SGPP2: variants seen among roughly 807,000 people sequenced by gnomAD.
SGPP2 encodes the protein sphingosine 1-phosphate phosphohydrolase 2.
In SGPP2, 30 loss-of-function variants were observed where a neutral mutation model predicts 33.9. The ratio of observed to expected loss-of-function variants is 0.89; its 90% CI spans 0.66 to 1.20. The LOEUF is 1.20. SGPP2 is among the 50% of genes most tolerant of loss of function. The pLI is 0.00. For synonymous variants in SGPP2, 233 were observed against 225.0 expected, an observed-to-expected ratio of 1.04 and a Z score of -0.32; for missense variants, 458 against 532.1, an observed-to-expected ratio of 0.86 and a Z score of 1.37.
At chr2:222,455,105 T>C (rs1181668199) in intron 1 of SGPP2, among the ~76,000 whole-genome samples, 1 of 151,842 alleles carries the variant, frequency 6.6e-6, no homozygotes, top group African/African-American at 2.4e-5. Context: ...CATGGTGGCA[T>C]ACATCTGTAA....
At chr2:222,490,725 A>C (rs2196543) in intron 2 of SGPP2, among the ~76,000 whole-genome samples, 1 of 151,658 alleles carries the variant, frequency 6.6e-6, no homozygotes, top group Non-Finnish European at 1.5e-5. Flanking sequence ...GATTACAGGC[A>C]TGAGCCACTT....
At chr2:222,433,615 C>T (rs1697191671) in intron 1 of SGPP2, among the ~76,000 whole-genome samples, 1 of 152,156 alleles carries the variant, frequency 6.6e-6, no homozygotes, top group South Asian at 2.1e-4. Context: ...AATTTGATCA[C>T]CTGCCCTTTC....
chr2:222,486,994 C>T (rs1223114236), intron 2 of SGPP2, among the ~76,000 whole-genome samples: 1 of 151,944 alleles, frequency 6.6e-6, no homozygotes, highest in African/African-American at 2.4e-5. Flanking sequence ...CTTTTCCTTC[C>T]ATCGCTCTCT....
intron 2 of SGPP2, among the ~76,000 whole-genome samples, chr2:222,494,980 C>T (rs1025388620): frequency 1.3e-5 from 2 of 152,026 alleles, no homozygotes; most frequent in African/African-American, 2.4e-5. Flanking sequence ...AGCAGTGAGC[C>T]AAGATCGCGC....
At chr2:222,525,692 G>A (rs902341212) in intron 4 of SGPP2, among the ~76,000 whole-genome samples, 2 of 152,200 alleles carry the variant, frequency 1.3e-5, no homozygotes, top group Admixed American at 6.5e-5. Flanking sequence ...GGCCATGGTC[G>A]ACCACAGGGG....
upstream of SGPP2, chr2:222,424,499 C>T (rs2106049401): frequency 7.3e-6 from 6 of 823,852 alleles, no homozygotes; most frequent in Non-Finnish European, 7.8e-6. Flanking sequence ...GCCCGGCCTC[C>T]GCCCGGAGTG....
chr2:222,431,543 G>C (rs1697156351), intron 1 of SGPP2, among the ~76,000 whole-genome samples: 1 of 152,046 alleles, frequency 6.6e-6, no homozygotes, highest in African/African-American at 2.4e-5. Context: ...TACAAGGTGG[G>C]GGTAATTGAA....
chr2:222,510,662 C>G (rs1038636056), intron 2 of SGPP2, among the ~76,000 whole-genome samples: 1 of 152,110 alleles, frequency 6.6e-6, no homozygotes, highest in Non-Finnish European at 1.5e-5. Context: ...AAAAGAGCCT[C>G]TTGGTGCTCC....
chr2:222,534,233 G>T (rs530217893), intron 4 of SGPP2, among the ~76,000 whole-genome samples: 2 of 152,212 alleles, frequency 1.3e-5, no homozygotes, highest in African/African-American at 4.8e-5. Flanking sequence ...TACACAAAAC[G>T]GATTTTAAGC....
chr2:222,475,088 A>G (rs1697910762), intron 2 of SGPP2, among the ~76,000 whole-genome samples: 1 of 152,232 alleles, frequency 6.6e-6, no homozygotes, highest in East Asian at 1.9e-4. Flanking sequence ...GGGAGGGACA[A>G]TTATCATCCT....
chr2:222,539,867 C>G (rs989500487), intron 4 of SGPP2, among the ~76,000 whole-genome samples: 1 of 152,146 alleles, frequency 6.6e-6, no homozygotes, highest in East Asian at 1.9e-4. Flanking sequence ...GCTTTGGGAT[C>G]CCTTTTTCCG....
At chr2:222,517,817 C>T (rs529622295) in intron 2 of SGPP2, among the ~76,000 whole-genome samples, 2 of 152,352 alleles carry the variant, frequency 1.3e-5, no homozygotes, top group Admixed American at 6.5e-5. Flanking sequence ...AACAGACGAG[C>T]CACACCCCTG....
intron 4 of SGPP2, among the ~76,000 whole-genome samples, chr2:222,540,871 G>T (rs1385635782): frequency 6.8e-6 from 1 of 147,262 alleles, no homozygotes; most frequent in Non-Finnish European, 1.5e-5. Flanking sequence ...CCAGGCTGGA[G>T]TAGTGGCATG....
intron 1 of SGPP2, among the ~76,000 whole-genome samples, chr2:222,457,392 C>T (rs1234627163): frequency 1.3e-5 from 2 of 152,072 alleles, no homozygotes; most frequent in African/African-American, 4.8e-5. Flanking sequence ...TAAAATATGG[C>T]ATGTTCCATA....
intron 1 of SGPP2, chr2:222,453,023 C>G: frequency 3.2e-6 from 5 of 1,577,738 alleles, no homozygotes; most frequent in Non-Finnish European, 3.5e-6. Flanking sequence ...TCTTCTGTTT[C>G]TTGACTGGGA....
In SGPP2 at chr2:222,558,922, C is replaced by T. The variant is rs1459787385; in HGVS notation, c.*24C>T. 6 of 1,586,512 alleles carry T rather than the reference C, an allele frequency of 3.8e-6. No individual in the cohort carries two copies. The highest frequency in any genetic ancestry group is 1.3e-5 in the African/African-American group (1 of 74,270). ...GAGTCTCAAACAGTTGGAAACTAGC[C>T]CACTGGACATGAAAGCCAAGACATA... On this transcript the variant is annotated 3_prime_UTR_variant, in exon 5 of 5. Transcript: ENST00000321276.
Position 222,431,179 on chromosome 2 carries a change from A to C in SGPP2, c.219+6358A>C, listed in dbSNP as rs1056003044. 6.8e-5 allele frequency among the ~76,000 whole-genome samples: 6 copies of C among 88,528 alleles called. 1 individual carries two copies. The highest frequency in any genetic ancestry group is 2.5e-4 in the African/African-American group (6 of 24,128). The allele number at this position is 88,528 out of a possible 152,430, so 58.1% of individuals were successfully genotyped here. Reference sequence around the variant, plus strand: ...TCTTTTCAATCTTTTTATAAATTTCAAACTTTTCTTAAAAAAAAAAAAAGT... The same window carrying C: ...TCTTTTCAATCTTTTTATAAATTTCCAACTTTTCTTAAAAAAAAAAAAAGT... On this transcript the variant is annotated intron_variant, in intron 1 of 4. Transcript: ENST00000321276.
At chr2:222,479,692 C>T (rs753186273) in intron 2 of SGPP2, among the ~76,000 whole-genome samples, 9 of 152,104 alleles carry the variant, frequency 5.9e-5, no homozygotes, top group Admixed American at 3.9e-4. Context: ...CGTGAGCCAC[C>T]GCGCCCGGCC....
intron 1 of SGPP2, among the ~76,000 whole-genome samples, chr2:222,450,509 A>G (rs975994832): frequency 1.3e-5 from 2 of 152,216 alleles, no homozygotes; most frequent in Admixed American, 1.3e-4. Context: ...TGAGGATGAA[A>G]CAATTGTTAC....
Sources: gnomAD v4.1 joint callset for allele counts (sites outside exome capture counted in the v4.1 genomes callset) on GRCh38, gnomAD v4.1.1 for gene constraint, MANE v1.5 for transcripts, NCBI Gene and HGNC (gene_info 2026-07-23, HGNC 2026-07-21) for gene names.